Variants in PRKCE observed in about 807,000 individuals in gnomAD.
PRKCE encodes the protein protein kinase C epsilon, also known as protein kinase C epsilon type.
Under a neutral mutation model 85.4 loss-of-function variants are expected in PRKCE, and 16 were observed. The ratio of observed to expected loss-of-function variants is 0.19; its 90% CI spans 0.13 to 0.28. The LOEUF (loss-of-function observed/expected upper bound fraction) is 0.28. PRKCE is among the 10% of genes least tolerant of loss of function. The pLI is 1.00. For missense variants in PRKCE, 573 were observed against 975.2 expected (o/e 0.59, Z 5.49); for synonymous variants, 388 against 371.5 (o/e 1.04, Z -0.51).
chr2:46,093,929 T>C (rs1285085879), intron 11 of PRKCE, among the ~76,000 whole-genome samples: 1 of 152,224 alleles, frequency 6.6e-6, no homozygotes, highest in Non-Finnish European at 1.5e-5. Context: ...AGTTATGTGG[T>C]ATGCTATAGT....
chr2:46,174,623 C>T (rs1679250172), intron 14 of PRKCE, among the ~76,000 whole-genome samples: 1 of 152,110 alleles, frequency 6.6e-6, no homozygotes, highest in Non-Finnish European at 1.5e-5. Flanking sequence ...CCATGCCACA[C>T]ACAACACACA....
At chr2:45,700,921 C>T (rs560049284) in intron 1 of PRKCE, among the ~76,000 whole-genome samples, 122 of 152,304 alleles carry the variant, frequency 8.0e-4, no homozygotes, top group African/African-American at 2.8e-3. Context: ...ATGCCTGGGG[C>T]TCCCAGAAGC....
At chr2:45,966,579 C>T (rs577844180) in intron 2 of PRKCE, among the ~76,000 whole-genome samples, 4 of 152,318 alleles carry the variant, frequency 2.6e-5, no homozygotes, top group African/African-American at 9.6e-5. Context: ...ACTATAATCA[C>T]TCTTTACCTG....
intron 1 of PRKCE, among the ~76,000 whole-genome samples, chr2:45,766,956 G>A (rs938686954): frequency 7.2e-5 from 11 of 151,876 alleles, no homozygotes; most frequent in African/African-American, 1.2e-4. Context: ...CAAGAGAATC[G>A]CTTGAACCTG....
intron 1 of PRKCE, among the ~76,000 whole-genome samples, chr2:45,733,926 A>G (rs1164420148): frequency 3.3e-5 from 5 of 152,176 alleles, no homozygotes; most frequent in African/African-American, 4.8e-5. Flanking sequence ...ATTGTGTAGC[A>G]GTTTCATGGG....
At chr2:45,773,772 C>T (rs1165308961) in intron 1 of PRKCE, among the ~76,000 whole-genome samples, 1 of 152,164 alleles carries the variant, frequency 6.6e-6, no homozygotes, top group Non-Finnish European at 1.5e-5. Context: ...AGCCTGTGGG[C>T]TGCTTCTCAC....
At position 45,913,390 on chromosome 2, in the gene PRKCE, T is replaced by G. The variant is rs114013793; in HGVS notation, c.413-63039T>G. Among the ~76,000 whole-genome samples the G allele has an allele frequency of 9.2e-3, 1,402 of 152,324 alleles. 26 individuals are homozygous for G. The highest frequency in any genetic ancestry group is 0.033 in the African/African-American group (1,352 of 41,568). On this transcript the variant is annotated intron_variant, in intron 2 of 14. Coordinates refer to ENST00000306156, the MANE Select transcript of PRKCE (RefSeq NM_005400.3). The stretch of plus-strand genomic sequence containing the variant: ...GTCTTGAACTCCTGGGCTCAAGCGA[T>G]CCACCCATCTTGGCCTCCCAGAGTG...
intron 10 of PRKCE, among the ~76,000 whole-genome samples, chr2:46,057,575 C>T (rs55936081): frequency 0.023 from 3,490 of 152,114 alleles, 89 homozygotes; most frequent in East Asian, 0.12. Flanking sequence ...GCTGGGATTA[C>T]AGGCGCCACC....
chr2:45,896,494 T>A (rs1398742531), intron 2 of PRKCE, among the ~76,000 whole-genome samples: 1 of 152,244 alleles, frequency 6.6e-6, no homozygotes, highest in Non-Finnish European at 1.5e-5. Flanking sequence ...TTCCCACTTT[T>A]GCTTTTTTTC....
intron 1 of PRKCE, among the ~76,000 whole-genome samples, chr2:45,709,724 T>C (rs1338871672): frequency 6.6e-6 from 1 of 152,192 alleles, no homozygotes; most frequent in Non-Finnish European, 1.5e-5. Flanking sequence ...GGAAGGCATC[T>C]CATCTCCAGT....
chr2:45,672,789 G>T (rs1676238276), intron 1 of PRKCE, among the ~76,000 whole-genome samples: 1 of 152,180 alleles, frequency 6.6e-6, no homozygotes. Context: ...ACTGTGAGAG[G>T]CTGAGGTGGG....
intron 1 of PRKCE, among the ~76,000 whole-genome samples, chr2:45,779,896 G>T (rs1686049069): frequency 6.6e-6 from 1 of 152,062 alleles, no homozygotes; most frequent in Non-Finnish European, 1.5e-5. Context: ...TTAAACATAT[G>T]CAAACCTAGA....
chr2:46,097,359 A>G (rs1670789901), intron 11 of PRKCE, among the ~76,000 whole-genome samples: 1 of 147,592 alleles, frequency 6.8e-6, no homozygotes, highest in African/African-American at 2.5e-5. Flanking sequence ...TCTACTAAAT[A>G]TACAAAAAAA....
chr2:45,702,652 A>G (rs575806835), intron 1 of PRKCE, among the ~76,000 whole-genome samples: 1 of 152,300 alleles, frequency 6.6e-6, no homozygotes, highest in East Asian at 1.9e-4. Context: ...TACCATAGTG[A>G]TATCTAAATC....
At chr2:45,897,342 G>A (rs1473265702) in intron 2 of PRKCE, among the ~76,000 whole-genome samples, 1 of 152,174 alleles carries the variant, frequency 6.6e-6, no homozygotes, top group African/African-American at 2.4e-5. Flanking sequence ...TCTTCCTCAG[G>A]ACACAGCCTG....
chr2:46,120,901 G>A (rs756449570), intron 11 of PRKCE, among the ~76,000 whole-genome samples: 4 of 152,064 alleles, frequency 2.6e-5, no homozygotes, highest in South Asian at 2.1e-4. Flanking sequence ...CCTTCTTACC[G>A]ATGTATTAAT....
intron 10 of PRKCE, among the ~76,000 whole-genome samples, chr2:46,075,628 A>T (rs893948237): frequency 1.3e-5 from 2 of 152,114 alleles, no homozygotes; most frequent in Non-Finnish European, 2.9e-5. Flanking sequence ...ATCCACCTGT[A>T]GTCCCAGCTA....
At chr2:46,064,350 C>A (rs1230315590) in intron 10 of PRKCE, among the ~76,000 whole-genome samples, 6 of 151,388 alleles carry the variant, frequency 4.0e-5, no homozygotes, top group East Asian at 1.9e-4. Flanking sequence ...CGTTCTCCTT[C>A]GACACTCAAA....
At chr2:45,922,563 A>G (rs992743888) in intron 2 of PRKCE, among the ~76,000 whole-genome samples, 1 of 152,012 alleles carries the variant, frequency 6.6e-6, no homozygotes. Flanking sequence ...CTCTCTTCCT[A>G]CTATCTTCAT....
Sources: allele counts gnomAD v4.1 joint callset (sites outside exome capture counted in the v4.1 genomes callset), GRCh38; gene constraint gnomAD v4.1.1; transcripts MANE v1.5; gene names NCBI Gene and HGNC (gene_info 2026-07-23, HGNC 2026-07-21).